The following NFATC2 variants were observed in gnomAD, a reference collection of about 807,000 sequenced individuals.
The protein encoded by NFATC2 is nuclear factor of activated T-cells, cytoplasmic 2.
Under a neutral mutation model 87.3 loss-of-function variants are expected in NFATC2, and 22 were observed. The ratio of observed to expected loss-of-function variants is 0.25; its 90% CI spans 0.18 to 0.36. The LOEUF (loss-of-function observed/expected upper bound fraction) is 0.36. NFATC2 is among the 10% of genes least tolerant of loss of function. The pLI is 1.00. For missense variants in NFATC2, 1,149 were observed against 1,259.1 expected (o/e 0.91, Z 1.32); for synonymous variants, 565 against 542.2 (o/e 1.04, Z -0.58).
chr20:51,388,864 T>C lies in NFATC2; in HGVS notation c.*2632A>G, dbSNP rs920866057. On this transcript the variant is annotated 3_prime_UTR_variant, in exon 11 of 11. Coordinates refer to ENST00000371564, the MANE Select transcript of NFATC2 (RefSeq NM_012340.5). ...GTGCAACACACCCATCTTTACCATT[T>C]AGACACCCCTACTTTCTCATTCTCT... The C allele has an allele frequency of 2.6e-5, 4 of 152,218 alleles. No individual in the cohort carries two copies. Among genetic ancestry groups the C allele is most frequent in the African/African-American group, 4.8e-5 (2 of 41,462 alleles). The allele number at this position is 152,218 out of a possible 1,614,324, so 9.4% of individuals were successfully genotyped here.
At chr20:51,416,704 C>T (rs942326762) in intron 9 of NFATC2, among the ~76,000 whole-genome samples, 1 of 152,188 alleles carries the variant, frequency 6.6e-6, no homozygotes, top group Non-Finnish European at 1.5e-5. Context: ...GTTATACTCA[C>T]TTCTCATACA....
intron 10 of NFATC2, among the ~76,000 whole-genome samples, chr20:51,393,573 G>A (rs1049486714): frequency 6.6e-6 from 1 of 152,172 alleles, no homozygotes; most frequent in Non-Finnish European, 1.5e-5. Flanking sequence ...CTGACTCCCA[G>A]GGGCCCTAAA....
chr20:51,444,405 G>A (rs943962855), intron 6 of NFATC2, among the ~76,000 whole-genome samples: 16 of 151,802 alleles, frequency 1.1e-4, no homozygotes, highest in Non-Finnish European at 2.1e-4. Context: ...CTATACTTTC[G>A]TTGGTTTCCT....
At chr20:51,487,253 G>C (rs1031453819) in intron 3 of NFATC2, among the ~76,000 whole-genome samples, 2 of 152,204 alleles carry the variant, frequency 1.3e-5, no homozygotes, top group African/African-American at 2.4e-5. Context: ...GGCCCTGACC[G>C]TGCCCAGCAT....
At chr20:51,392,131 C>T (rs907627341) in intron 10 of NFATC2, among the ~76,000 whole-genome samples, 2 of 152,208 alleles carry the variant, frequency 1.3e-5, no homozygotes, top group African/African-American at 4.8e-5. Flanking sequence ...ATGCCTATTA[C>T]ATGATTAAGT....
intron 6 of NFATC2, among the ~76,000 whole-genome samples, chr20:51,442,181 C>T (rs774655251): frequency 2.0e-5 from 3 of 152,112 alleles, no homozygotes; most frequent in African/African-American, 7.2e-5. Flanking sequence ...CCTGTAATCC[C>T]AGCACTTTGG....
At chr20:51,466,627 C>G (rs1378627318) in intron 5 of NFATC2, among the ~76,000 whole-genome samples, 1 of 152,112 alleles carries the variant, frequency 6.6e-6, no homozygotes, top group Non-Finnish European at 1.5e-5. Flanking sequence ...AAACCAGAAC[C>G]GAAAAGCTTC....
At position 51,523,436 on chromosome 20, in the gene NFATC2, G is replaced by A. The variant is rs757524028; in HGVS notation, c.805C>T (p.Pro269Ser). 9.9e-6 allele frequency: 16 copies of A among 1,609,014 alleles called. No individual in the cohort carries two copies. The highest frequency in any genetic ancestry group is 2.2e-5 in the South Asian group (2 of 90,848). The stretch of plus-strand genomic sequence containing the variant: ...GGCGAGGGGCTCCGGGAGCGCTGGG[G>A]TGAGGCTCCGGGCGGCAGGGCAACC... ...ALVALPPGAS[P>S]QRSRSPSPQP... Residue 269 changes from proline to serine, a missense_variant, in exon 2 of 11, where the codon CCC (proline) becomes TCC (serine). Transcript: ENST00000371564. This position sits in a 1 kb window ranked among gnomAD's most constrained non-coding sequence, Gnocchi z 6.9.
chr20:51,418,984 T>C (rs1980481941), intron 9 of NFATC2, among the ~76,000 whole-genome samples: 1 of 150,116 alleles, frequency 6.7e-6, no homozygotes, highest in South Asian at 2.1e-4. Flanking sequence ...TTATAGTACG[T>C]ATTTACCACC....
chr20:51,398,116 C>T (rs563208153), intron 10 of NFATC2, among the ~76,000 whole-genome samples: 26 of 150,918 alleles, frequency 1.7e-4, no homozygotes, highest in East Asian at 5.9e-4. Flanking sequence ...CAGAATCCTG[C>T]GACTTCAAAA....
intron 3 of NFATC2, among the ~76,000 whole-genome samples, chr20:51,495,630 G>T (rs117981630): frequency 1.9e-4 from 29 of 152,320 alleles, no homozygotes; most frequent in Non-Finnish European, 4.1e-4. Context: ...CTCATTTTTA[G>T]CAAGCATGGA....
intron 3 of NFATC2, among the ~76,000 whole-genome samples, chr20:51,512,473 T>G (rs1381366018): frequency 5.9e-5 from 9 of 152,168 alleles, no homozygotes; most frequent in Non-Finnish European, 1.5e-5. Flanking sequence ...ACCAGCACAG[T>G]GCCTGGCACA....
intron 9 of NFATC2, among the ~76,000 whole-genome samples, chr20:51,427,681 G>A (rs1324306550): frequency 1.3e-5 from 2 of 152,100 alleles, no homozygotes; most frequent in Non-Finnish European, 2.9e-5. Context: ...CACGGCCTCC[G>A]CCACCTGCGT....
chr20:51,535,641 A>G (rs1055452115), intron 1 of NFATC2, among the ~76,000 whole-genome samples: 1 of 152,248 alleles, frequency 6.6e-6, no homozygotes, highest in Non-Finnish European at 1.5e-5. Context: ...GATGTCACCC[A>G]TTGTGGATTT....
chr20:51,464,269 AC>A (rs1987448047), intron 5 of NFATC2, among the ~76,000 whole-genome samples: 1 of 152,186 alleles, frequency 6.6e-6, no homozygotes, highest in African/African-American at 2.4e-5. Context: ...CACTTGAGTT[AC>A]CCTGTGGGAT....
At chr20:51,476,867 C>T (rs1051589959) in intron 3 of NFATC2, among the ~76,000 whole-genome samples, 4 of 152,142 alleles carry the variant, frequency 2.6e-5, no homozygotes, top group Non-Finnish European at 5.9e-5. Flanking sequence ...GTTAGATTGG[C>T]ACACATGTAG....
intron 3 of NFATC2, among the ~76,000 whole-genome samples, chr20:51,477,573 ATATAT>A (rs1568667352): frequency 1.3e-4 from 11 of 87,098 alleles, no homozygotes; most frequent in Non-Finnish European, 2.2e-4. Flanking sequence ...ATATATATAT[ATATAT>A]ATAAAATAAC....
intron 3 of NFATC2, 90 bp from the exon 4 acceptor site, chr20:51,475,750 T>C (rs6021231): frequency 0.47 from 590,251 of 1,243,730 alleles, 142,667 homozygotes; most frequent in African/African-American, 0.67. Flanking sequence ...TCATGGGCAG[T>C]AGAGAGACTA....
At chr20:51,518,000 T>C (rs1423437902) in intron 2 of NFATC2, among the ~76,000 whole-genome samples, 3 of 151,952 alleles carry the variant, frequency 2.0e-5, no homozygotes, top group African/African-American at 4.8e-5. Context: ...CAAAATGTGA[T>C]CATGGGGGGC....
Sources: gnomAD v4.1 joint callset for allele counts (sites outside exome capture counted in the v4.1 genomes callset) on GRCh38, gnomAD v4.1.1 for gene constraint, Gnocchi (gnomAD v3.1) non-coding constraint, MANE v1.5 for transcripts, NCBI Gene and HGNC (gene_info 2026-07-23, HGNC 2026-07-21) for gene names.